Variants in NAV1 observed in about 807,000 individuals in gnomAD.
NAV1 encodes the protein pore membrane and/or filament interacting like protein 3.
In NAV1, 18 loss-of-function variants were observed where a neutral mutation model predicts 175.2. The observed-to-expected ratio is 0.10, with a 90% CI of 0.07 to 0.15. The LOEUF is 0.15. Among genes scored for constraint, NAV1 ranks in the 10% least tolerant of loss-of-function variants. The pLI, the probability that NAV1 is intolerant of heterozygous loss-of-function variation, is 1.00. For synonymous variants in NAV1, 897 were observed against 978.7 expected (o/e 0.92, Z 1.56); for missense variants, 1,731 against 2,436.6 (o/e 0.71, Z 6.10).
intron 2 of NAV1, among the ~76,000 whole-genome samples, chr1:201,602,541 C>A (rs1667546548): frequency 6.6e-6 from 1 of 151,610 alleles, no homozygotes; most frequent in African/African-American, 2.4e-5. Flanking sequence ...CAGGGTTCCA[C>A]CGTGTTGGCC....
chr1:201,606,491 T>C (rs1046505051), intron 2 of NAV1, among the ~76,000 whole-genome samples: 15 of 152,352 alleles, frequency 9.8e-5, no homozygotes, highest in South Asian at 2.1e-4. Context: ...ATCCTGTCCA[T>C]GCACCTGGCC....
At chr1:201,620,375 C>T (rs984795528), upstream of NAV1, among the ~76,000 whole-genome samples, 1 of 152,036 alleles carries the variant, frequency 6.6e-6, no homozygotes, top group East Asian at 1.9e-4. Context: ...AATCTTTGCT[C>T]CCATCTGTAA....
chr1:201,637,676 C>T (rs1350264841), intron 2 of NAV1, among the ~76,000 whole-genome samples: 3 of 152,198 alleles, frequency 2.0e-5, no homozygotes, highest in East Asian at 1.9e-4. Flanking sequence ...TTGCCCATCC[C>T]GAAGGACACA....
intron 3 of NAV1, among the ~76,000 whole-genome samples, chr1:201,726,972 G>GT (rs1672632829): frequency 6.6e-6 from 1 of 152,228 alleles, no homozygotes; most frequent in Admixed American, 6.5e-5. Context: ...GGCTGCCTGT[G>GT]TTTGTGTCCT....
At chr1:201,574,030 GC>G (rs1206146274) in intron 1 of NAV1, among the ~76,000 whole-genome samples, 3 of 151,498 alleles carry the variant, frequency 2.0e-5, no homozygotes, top group Admixed American at 2.0e-4. Flanking sequence ...CTGCACTCTA[GC>G]CTGGACATCA....
chr1:201,646,426 A>G (rs1231270526), upstream of NAV1, among the ~76,000 whole-genome samples: 1 of 152,176 alleles, frequency 6.6e-6, no homozygotes, highest in African/African-American at 2.4e-5. Flanking sequence ...TGTGTGTGAC[A>G]TTGCTTTTTT....
At chr1:201,584,598 T>A (rs2102200387) in intron 1 of NAV1, among the ~76,000 whole-genome samples, 1 of 152,330 alleles carries the variant, frequency 6.6e-6, no homozygotes, top group South Asian at 2.1e-4. Context: ...AGCAGCTGGT[T>A]CCAGCTTGTG....
chr1:201,624,250 C>T (rs1668259369), intron 1 of NAV1, among the ~76,000 whole-genome samples: 1 of 150,196 alleles, frequency 6.7e-6, no homozygotes, highest in African/African-American at 2.5e-5. Flanking sequence ...GTATTCACAA[C>T]AAGATGGCCA....
At chr1:201,794,554 A>G (rs1677318196) in exon 15 of NAV1, 6 of 1,613,828 alleles carry the variant, frequency 3.7e-6, no homozygotes, top group African/African-American at 1.3e-5. Flanking sequence ...GGAGCCCTTA[A>G]TGCCTCAGAA....
intron 15 of NAV1, among the ~76,000 whole-genome samples, chr1:201,800,846 A>C (rs1385257987): frequency 9.2e-6 from 1 of 109,130 alleles, no homozygotes. Context: ...TTTTTTAGAC[A>C]GGGTCTCGCT....
At chr1:201,654,409 C>T (rs1247368825) in intron 1 of NAV1, among the ~76,000 whole-genome samples, 1 of 140,596 alleles carries the variant, frequency 7.1e-6, no homozygotes, top group Non-Finnish European at 1.6e-5. Flanking sequence ...CCACCCCCTA[C>T]CACCCACCCC....
intron 1 of NAV1, among the ~76,000 whole-genome samples, chr1:201,552,673 T>C (rs1336245760): frequency 6.6e-6 from 1 of 152,124 alleles, no homozygotes; most frequent in East Asian, 1.9e-4. Context: ...CTAGAGCCAA[T>C]GTTGGTCATT....
At chr1:201,818,578 A>G (rs1679207526) in intron 29 of NAV1, among the ~76,000 whole-genome samples, 1 of 152,124 alleles carries the variant, frequency 6.6e-6, no homozygotes, top group African/African-American at 2.4e-5. Flanking sequence ...AGCAAATGCA[A>G]ATGGCCAATA....
In NAV1 at chr1:201,780,608, G is replaced by A. The variant is rs545778952; in HGVS notation, c.1365+49G>A. The A allele has an allele frequency of 3.7e-6, 6 of 1,612,088 alleles. No homozygotes were observed. The Admixed American group carries it at 6.7e-5, about 18-fold the overall frequency. On this transcript the variant is annotated intron_variant, in intron 4 of 29. Transcript: ENST00000367296. ...AGCTGCCATCTCAAGATGAACCACA[G>A]GGCAAATGGCATTATCTGTGTATGG...
chr1:201,677,771 G>A (rs1670310925), intron 1 of NAV1, among the ~76,000 whole-genome samples: 1 of 152,136 alleles, frequency 6.6e-6, no homozygotes, highest in African/African-American at 2.4e-5. Context: ...AGGAACATAG[G>A]CATGCGCCGC....
rs1465035447 is a variant in NAV1 at position 201,804,145 on chromosome 1, T to G, written c.3640-344T>G. The G allele has an allele frequency of 8.6e-6, 4 of 465,152 alleles. No individual in the cohort carries two copies. In the East Asian group the frequency reaches 1.9e-4, roughly 22 times the overall value. The allele number at this position is 465,152 out of a possible 1,614,324, so 28.8% of individuals were successfully genotyped here. On this transcript the variant is annotated intron_variant, in intron 16 of 29. Coordinates refer to ENST00000367296, the Ensembl canonical transcript of NAV1. ...AATTTTTGGGGATGTTTTGTGGAGCTTTCCAGATTACTTCAAAGGACTCTT... is the reference window on the plus strand; with the variant it reads ...AATTTTTGGGGATGTTTTGTGGAGCGTTCCAGATTACTTCAAAGGACTCTT...
At chr1:201,767,303 T>A (rs1471890293) in intron 3 of NAV1, among the ~76,000 whole-genome samples, 2 of 139,838 alleles carry the variant, frequency 1.4e-5, no homozygotes, top group African/African-American at 2.6e-5. Flanking sequence ...ATCCAAAAAT[T>A]AGCTGGGCAT....
chr1:201,759,391 T>C (rs1228009083), intron 3 of NAV1, among the ~76,000 whole-genome samples: 1 of 152,212 alleles, frequency 6.6e-6, no homozygotes, highest in Non-Finnish European at 1.5e-5. Context: ...CTTCACAGAC[T>C]GAAGGAGGGC....
At chr1:201,765,154 C>T (rs1675118761) in intron 3 of NAV1, among the ~76,000 whole-genome samples, 3 of 152,144 alleles carry the variant, frequency 2.0e-5, no homozygotes, top group Admixed American at 2.0e-4. Flanking sequence ...TCTATGGGCA[C>T]ATTAGGGTGG....
Sources: gnomAD v4.1 joint callset for allele counts (sites outside exome capture counted in the v4.1 genomes callset) on GRCh38, gnomAD v4.1.1 for gene constraint, MANE v1.5 for transcripts, NCBI Gene and HGNC (gene_info 2026-07-23, HGNC 2026-07-21) for gene names.